Variants in TUBGCP3 observed in about 807,000 individuals in gnomAD.
TUBGCP3 encodes gamma-tubulin complex component 3.
A neutral mutation model predicts 123.1 loss-of-function variants in TUBGCP3; 50 were observed. That is an observed-to-expected ratio of 0.41 (90% CI 0.32 to 0.51). TUBGCP3 has a LOEUF of 0.51. Ranked by LOEUF, TUBGCP3 falls within the 20% of genes least tolerant of loss-of-function variation. The pLI is 0.36. For synonymous variants in TUBGCP3, 405 were observed against 413.9 expected (o/e 0.98, Z 0.26); for missense variants, 882 against 1,127.0 (o/e 0.78, Z 3.11).
chr13:112,587,584 G>C (rs1164603733), intron 1 of TUBGCP3, among the ~76,000 whole-genome samples: 2 of 152,222 alleles, frequency 1.3e-5, no homozygotes, highest in African/African-American at 4.8e-5. Context: ...ACCCGCGAGC[G>C]GAGTGAGCGG....
rs1876161838 is a variant in TUBGCP3, at chr13:112,516,663, T to C, written c.1951-88A>G. On this transcript the variant is annotated intron_variant, in intron 16 of 21. Transcript: ENST00000261965. Reference sequence around the variant, plus strand: ...CTCAATCTTTTTTTAAAAAGGTACATTTTAGCAAACTATCATAATAGGCAG... The same window carrying C: ...CTCAATCTTTTTTTAAAAAGGTACACTTTAGCAAACTATCATAATAGGCAG... 18 of 1,429,450 alleles carry C rather than the reference T, an allele frequency of 1.3e-5. 1 individual carries two copies. In the South Asian group the frequency reaches 2.6e-4, roughly 21 times the overall value. The allele number at this position is 1,429,450 out of a possible 1,614,324, so 88.5% of individuals were successfully genotyped here.
intron 7 of TUBGCP3, among the ~76,000 whole-genome samples, chr13:112,554,489 C>T (rs549240702): frequency 6.6e-6 from 1 of 152,222 alleles, no homozygotes; most frequent in South Asian, 2.1e-4. Context: ...ACCCACACCA[C>T]AAGAAATGGG....
intron 8 of TUBGCP3, among the ~76,000 whole-genome samples, chr13:112,552,000 A>G (rs556289930): frequency 1.3e-5 from 2 of 152,182 alleles, no homozygotes; most frequent in Non-Finnish European, 2.9e-5. Flanking sequence ...AACAGGGATC[A>G]CACTCCTATG....
intron 5 of TUBGCP3, among the ~76,000 whole-genome samples, chr13:112,556,704 T>G (rs766694554): frequency 6.6e-5 from 10 of 152,136 alleles, no homozygotes; most frequent in Non-Finnish European, 1.2e-4. Flanking sequence ...GCCTTCAGAG[T>G]GCTCACTATG....
intron 3 of TUBGCP3, among the ~76,000 whole-genome samples, chr13:112,560,914 G>A (rs530071425): frequency 1.3e-5 from 2 of 152,304 alleles, no homozygotes; most frequent in African/African-American, 2.4e-5. Flanking sequence ...CTCACAAAAG[G>A]GCTTCTGGAG....
intron 11 of TUBGCP3, among the ~76,000 whole-genome samples, chr13:112,541,642 T>C (rs963557081): frequency 1.3e-5 from 2 of 151,718 alleles, no homozygotes; most frequent in African/African-American, 4.8e-5. Context: ...GCAAACTAAA[T>C]TAATCTCAAG....
At chr13:112,520,548 G>T (rs1453305933) in intron 14 of TUBGCP3, among the ~76,000 whole-genome samples, 1 of 152,086 alleles carries the variant, frequency 6.6e-6, no homozygotes, top group African/African-American at 2.4e-5. Context: ...GAAAAAAAAA[G>T]AACTGATTTT....
At chr13:112,496,367 C>T (rs1880529004) in intron 20 of TUBGCP3, among the ~76,000 whole-genome samples, 2 of 152,306 alleles carry the variant, frequency 1.3e-5, no homozygotes, top group Middle Eastern at 3.4e-3. Context: ...GTGCAGCAGG[C>T]GGGCGCCGCT....
At chr13:112,583,726 T>G (rs1477462882) in intron 1 of TUBGCP3, among the ~76,000 whole-genome samples, 1 of 152,238 alleles carries the variant, frequency 6.6e-6, no homozygotes, top group Non-Finnish European at 1.5e-5. Context: ...GACCCAAGTT[T>G]CTGCCTTCCT....
At chr13:112,566,846 G>A (rs944551176) in intron 2 of TUBGCP3, among the ~76,000 whole-genome samples, 1 of 152,178 alleles carries the variant, frequency 6.6e-6, no homozygotes, top group Admixed American at 6.5e-5. Flanking sequence ...TACCCCACCT[G>A]CCAGTGTGGA....
chr13:112,568,805 G>A (rs1378635130), intron 2 of TUBGCP3, among the ~76,000 whole-genome samples: 2 of 152,218 alleles, frequency 1.3e-5, no homozygotes, highest in Admixed American at 6.5e-5. Flanking sequence ...TCATTACTCA[G>A]AGCTGAGCTT....
intron 11 of TUBGCP3, among the ~76,000 whole-genome samples, chr13:112,533,898 T>C (rs1388503201): frequency 2.0e-5 from 3 of 151,674 alleles, no homozygotes; most frequent in African/African-American, 7.3e-5. Context: ...CTGTGAGATT[T>C]TGGTGCACCC....
the TUBGCP3 span, among the ~76,000 whole-genome samples, chr13:112,597,549 T>C: frequency 1.3e-5 from 2 of 152,064 alleles, no homozygotes; most frequent in Non-Finnish European, 2.9e-5. Flanking sequence ...TTACAGACAA[T>C]GCACTATGAA....
the TUBGCP3 span, among the ~76,000 whole-genome samples, chr13:112,601,614 A>C: frequency 6.6e-6 from 1 of 151,916 alleles, no homozygotes; most frequent in Admixed American, 6.6e-5. Flanking sequence ...GAAGGTCAAG[A>C]CCTTTGGAGT....
chr13:112,488,196 G>GAGT (rs1879805929), intron 21 of TUBGCP3, among the ~76,000 whole-genome samples: 2 of 150,382 alleles, frequency 1.3e-5, no homozygotes, highest in Non-Finnish European at 2.9e-5. Flanking sequence ...CAGAAAGAGC[G>GAGT]AGTGCGGTCT....
chr13:112,601,720 C>A, the TUBGCP3 span, among the ~76,000 whole-genome samples: 25,618 of 152,176 alleles, frequency 0.17, 3,384 homozygotes, highest in African/African-American at 0.36. Flanking sequence ...CAGGCCTATA[C>A]AACCTTCTCA....
intron 17 of TUBGCP3, among the ~76,000 whole-genome samples, chr13:112,510,801 C>T (rs760766229): frequency 1.8e-4 from 28 of 152,190 alleles, no homozygotes; most frequent in Non-Finnish European, 2.9e-4. Context: ...AGCTCTAGCA[C>T]CAACGGCTCA....
At chr13:112,534,830 G>A (rs1275732413) in intron 11 of TUBGCP3, among the ~76,000 whole-genome samples, 2 of 152,142 alleles carry the variant, frequency 1.3e-5, no homozygotes, top group Non-Finnish European at 2.9e-5. Flanking sequence ...GCAACTTAGT[G>A]GCTTCTAGTA....
chr13:112,558,435 G>C, intron 4 of TUBGCP3, 22 bp from the exon 5 acceptor site: 3 of 1,512,514 alleles, frequency 2.0e-6, no homozygotes, highest in Non-Finnish European at 2.7e-6. Context: ...AACACACTAA[G>C]AGCAGAGACA....
Sources: gnomAD v4.1 joint callset for allele counts (sites outside exome capture counted in the v4.1 genomes callset) on GRCh38, gnomAD v4.1.1 for gene constraint, MANE v1.5 for transcripts, NCBI Gene and HGNC (gene_info 2026-07-23, HGNC 2026-07-21) for gene names.